The following CSMD1 variants were observed in gnomAD, a reference collection of about 807,000 sequenced individuals.
The protein encoded by CSMD1 is CUB and Sushi multiple domains 1.
In CSMD1, 213 loss-of-function variants were observed where a neutral mutation model predicts 417.5. That is an observed-to-expected ratio of 0.51 (90% CI 0.46 to 0.57). The LOEUF (loss-of-function observed/expected upper bound fraction) is 0.57. CSMD1 is among the 20% of genes least tolerant of loss of function. The pLI, the probability that CSMD1 is intolerant of heterozygous loss-of-function variation, is 0.00. For missense variants in CSMD1, 6,923 were observed against 4,529.7 expected, an observed-to-expected ratio of 1.53 and a Z score of -15.17; for synonymous variants, 2,862 against 1,736.8, an observed-to-expected ratio of 1.65 and a Z score of -16.11.
intron 1 of CSMD1, among the ~76,000 whole-genome samples, chr8:4,715,412 A>C (rs1808591679): frequency 6.6e-6 from 1 of 152,174 alleles, no homozygotes; most frequent in South Asian, 2.1e-4. Context: ...AGATACCTTT[A>C]TTCATCTCTG....
intron 2 of CSMD1, among the ~76,000 whole-genome samples, chr8:4,484,221 G>T (rs1801248356): frequency 6.7e-6 from 1 of 150,346 alleles, no homozygotes. Flanking sequence ...AAAAAACCTT[G>T]CTTTCTGATT....
chr8:4,619,237 A>C (rs993545360), intron 2 of CSMD1, among the ~76,000 whole-genome samples: 1 of 152,164 alleles, frequency 6.6e-6, no homozygotes, highest in Non-Finnish European at 1.5e-5. Context: ...AGTTTTTGAA[A>C]GACTAATTAC....
At position 4,591,890 on chromosome 8, in the gene CSMD1, G is replaced by A. The variant is rs949704089; in HGVS notation, c.302+45452C>T. On this transcript the variant is annotated intron_variant, in intron 2 of 69. Coordinates refer to ENST00000635120, the MANE Select transcript of CSMD1 (RefSeq NM_033225.6). ...TGACCAAGGGACCGGTGGGGAGGCT[G>A]AAAGTTGGGCAGACATTCTGAGGGA... Among the ~76,000 whole-genome samples the A allele has an allele frequency of 5.9e-5, 9 of 152,230 alleles. No individual in the cohort carries two copies. The South Asian group carries it at 6.2e-4, about 11-fold the overall frequency.
chr8:3,594,161 G>A (rs1049854814), intron 8 of CSMD1, among the ~76,000 whole-genome samples: 7 of 152,112 alleles, frequency 4.6e-5, no homozygotes, highest in Admixed American at 1.3e-4. Flanking sequence ...TGCTATGCCC[G>A]ACCTACAGGG....
intron 52 of CSMD1, among the ~76,000 whole-genome samples, chr8:3,005,998 G>A (rs1031757232): frequency 2.0e-5 from 3 of 152,130 alleles, no homozygotes; most frequent in Admixed American, 1.3e-4. Flanking sequence ...GTTGGCAGAC[G>A]ACATGATTGT....
chr8:4,837,533 T>C (rs1412938950), intron 1 of CSMD1, among the ~76,000 whole-genome samples: 1 of 152,138 alleles, frequency 6.6e-6, no homozygotes, highest in Non-Finnish European at 1.5e-5. Flanking sequence ...CAGCTTTGGT[T>C]CTTATCTGTG....
chr8:3,316,450 G>A (rs187577187), intron 23 of CSMD1, among the ~76,000 whole-genome samples: 4 of 152,172 alleles, frequency 2.6e-5, no homozygotes, highest in Non-Finnish European at 4.4e-5. Flanking sequence ...AAAACAACAC[G>A]ATGAATGCTA....
intron 5 of CSMD1, among the ~76,000 whole-genome samples, chr8:3,976,669 G>T (rs118102425): frequency 6.6e-6 from 1 of 152,208 alleles, no homozygotes; most frequent in Admixed American, 6.5e-5. Context: ...GCTTTCTTGC[G>T]CATTCCCTAT....
intron 5 of CSMD1, among the ~76,000 whole-genome samples, chr8:3,825,495 A>C (rs1323710483): frequency 1.3e-5 from 2 of 152,188 alleles, no homozygotes; most frequent in Non-Finnish European, 2.9e-5. Flanking sequence ...ACAAATAAAC[A>C]AAAAGCCCTT....
At chr8:3,247,617 G>C (rs1429315573) in intron 26 of CSMD1, among the ~76,000 whole-genome samples, 1 of 152,136 alleles carries the variant, frequency 6.6e-6, no homozygotes, top group Admixed American at 6.5e-5. Context: ...ACATCAGCCA[G>C]AGGTGGCCTC....
In CSMD1 at chr8:4,517,018, A is replaced by C. The variant is rs147555723; in HGVS notation, c.303-96953T>G. Among the ~76,000 whole-genome samples, 21 of 152,292 alleles carry C rather than the reference A, an allele frequency of 1.4e-4. No individual in the cohort carries two copies. In the East Asian group the frequency reaches 3.9e-3, roughly 28 times the overall value. ...TAACGGACTATATCAGATATAGTTTAAGATTTGGAAGACTAATTATTTAGA... is the reference window on the plus strand; with the variant it reads ...TAACGGACTATATCAGATATAGTTTCAGATTTGGAAGACTAATTATTTAGA... On this transcript the variant is annotated intron_variant, in intron 2 of 69. Transcript: ENST00000635120.
intron 26 of CSMD1, among the ~76,000 whole-genome samples, chr8:3,244,415 A>G (rs1490749577): frequency 1.3e-5 from 2 of 152,102 alleles, no homozygotes; most frequent in Non-Finnish European, 2.9e-5. Flanking sequence ...CTTTTGTTTA[A>G]CAGAGACCAT....
At chr8:3,564,519 G>C (rs868297738) in intron 10 of CSMD1, among the ~76,000 whole-genome samples, 1 of 144,946 alleles carries the variant, frequency 6.9e-6, no homozygotes, top group East Asian at 2.2e-4. Context: ...CAGTATATTT[G>C]TGTGTGTGTG....
intron 1 of CSMD1, among the ~76,000 whole-genome samples, chr8:4,957,723 T>A (rs1809212381): frequency 1.3e-5 from 2 of 152,194 alleles, no homozygotes; most frequent in South Asian, 4.1e-4. Flanking sequence ...TTACCATGTC[T>A]CTTTTCCCAT....
At chr8:4,227,908 A>AC (rs1296473070) in intron 3 of CSMD1, among the ~76,000 whole-genome samples, 2 of 150,090 alleles carry the variant, frequency 1.3e-5, no homozygotes, top group African/African-American at 4.9e-5. Flanking sequence ...CACACCCTCC[A>AC]CCCCACATTA....
intron 2 of CSMD1, among the ~76,000 whole-genome samples, chr8:4,486,212 TATATATATATATACATAC>T (rs1563224099): frequency 2.0e-4 from 3 of 14,694 alleles, no homozygotes; most frequent in African/African-American, 7.6e-4. Flanking sequence ...TACATATATA[TATATATATATATACATAC>T]ATATATATAT....
At chr8:3,654,996 G>A (rs948160250) in intron 7 of CSMD1, among the ~76,000 whole-genome samples, 1 of 151,994 alleles carries the variant, frequency 6.6e-6, no homozygotes, top group South Asian at 2.1e-4. Flanking sequence ...GTGAAGAAAG[G>A]GAGACAGCAA....
At chr8:3,854,469 G>A (rs1369019567) in intron 5 of CSMD1, among the ~76,000 whole-genome samples, 2 of 152,048 alleles carry the variant, frequency 1.3e-5, no homozygotes, top group African/African-American at 2.4e-5. Context: ...CTTGGCACAC[G>A]TTATAGCTGT....
chr8:3,454,434 T>G (rs1378301556), intron 12 of CSMD1, among the ~76,000 whole-genome samples: 1 of 152,212 alleles, frequency 6.6e-6, no homozygotes, highest in Non-Finnish European at 1.5e-5. Context: ...TTGGCATGTT[T>G]TTGCAGTGGC....
Sources: gnomAD v4.1 joint callset for allele counts (sites outside exome capture counted in the v4.1 genomes callset) on GRCh38, gnomAD v4.1.1 for gene constraint, MANE v1.5 for transcripts, NCBI Gene and HGNC (gene_info 2026-07-23, HGNC 2026-07-21) for gene names.